Variants in ADGRA2 observed in about 807,000 individuals in gnomAD.
ADGRA2 encodes adhesion G protein-coupled receptor A2.
ADGRA2 carries 61 observed loss-of-function variants against 98.7 expected under a neutral mutation model. The observed-to-expected ratio is 0.62, with a 90% CI of 0.50 to 0.76. The LOEUF (loss-of-function observed/expected upper bound fraction) is 0.76. Ranked by LOEUF, ADGRA2 falls within the 30% of genes least tolerant of loss-of-function variation. The pLI, the probability that ADGRA2 is intolerant of heterozygous loss-of-function variation, is 0.00. For synonymous variants in ADGRA2, 858 were observed against 831.5 expected, an observed-to-expected ratio of 1.03 and a Z score of -0.55; for missense variants, 1,712 against 1,860.0, an observed-to-expected ratio of 0.92 and a Z score of 1.46.
intron 1 of ADGRA2, among the ~76,000 whole-genome samples, chr8:37,798,329 C>T (rs1021547727): frequency 1.3e-5 from 2 of 152,244 alleles, no homozygotes; most frequent in Admixed American, 6.5e-5. Context: ...AAGCGGGGTT[C>T]CCTCACCGCA....
Position 37,830,610 on chromosome 8 carries a change from G to GGGCCCCC in ADGRA2, c.719-100_719-99insGGCCCCC. 6.9e-6 allele frequency: 4 copies of GGGCCCCC among 579,886 alleles called. No individual in the cohort carries two copies. Among genetic ancestry groups the GGGCCCCC allele is most frequent in the Non-Finnish European group, 9.5e-6 (3 of 315,942 alleles). The allele number at this position is 579,886 out of a possible 1,614,324, so 35.9% of individuals were successfully genotyped here. ...AGCTGGAGCAGGCTGCAGGCCGAGG[G>GGGCCCCC]CCCCGCCCCGCCCCACCCCATCCTG... On this transcript the variant is annotated intron_variant, in intron 6 of 18. Transcript: ENST00000412232. The surrounding 1 kb of genome is among the most constrained non-coding windows in gnomAD (Gnocchi z 4.8).
At position 37,831,278 on chromosome 8, in the gene ADGRA2, C is replaced by A; in HGVS notation, c.933-145C>A. 2 of 712,174 alleles carry A rather than the reference C, an allele frequency of 2.8e-6. 1 individual carries two copies. The highest frequency in any genetic ancestry group is 3.7e-5 in the South Asian group (2 of 53,434). The allele number at this position is 712,174 out of a possible 1,614,324, so 44.1% of individuals were successfully genotyped here. A position where few individuals can be genotyped will look rare whatever the true frequency, so the allele number is the denominator to read the frequency against. On this transcript the variant is annotated intron_variant, in intron 7 of 18. Coordinates refer to ENST00000412232, the MANE Select transcript of ADGRA2 (RefSeq NM_032777.10). ...AAAAAAACAGTATCATAAGGCCAAT[C>A]AGAATAAAAGGAGTGCATACTTGCA...
At chr8:37,839,698 G>A (rs911334945) in intron 16 of ADGRA2, 76 bp downstream of exon 16, 49 of 1,546,662 alleles carry the variant, frequency 3.2e-5, no homozygotes, top group South Asian at 7.0e-5. Context: ...GGGGTGATGC[G>A]CTGGAAGAAA....
At chr8:37,827,990 T>TA (rs1805328824) in intron 2 of ADGRA2, among the ~76,000 whole-genome samples, 1 of 150,686 alleles carries the variant, frequency 6.6e-6, no homozygotes, top group Non-Finnish European at 1.5e-5. Context: ...TTTTTTTTTT[T>TA]AAATTAGCGG....
chr8:37,819,652 G>A (rs1585385992), intron 2 of ADGRA2, among the ~76,000 whole-genome samples: 1 of 152,050 alleles, frequency 6.6e-6, no homozygotes, highest in Non-Finnish European at 1.5e-5. Flanking sequence ...TTACAGGCAT[G>A]AGCCATCGCA....
Position 37,841,631 on chromosome 8 carries a change from C to T in ADGRA2, c.3293C>T (p.Ala1098Val), listed in dbSNP as rs956818746. The T allele has an allele frequency of 4.6e-6, 7 of 1,527,994 alleles. No homozygotes were observed. In the African/African-American group the frequency reaches 9.6e-5, roughly 21 times the overall value. The allele number at this position is 1,527,994 out of a possible 1,614,324, so 94.7% of individuals were successfully genotyped here. A position where few individuals can be genotyped will look rare whatever the true frequency, so the allele number is the denominator to read the frequency against. Residue 1098 changes from alanine (A) to valine (V), a missense_variant, in exon 19 of 19, where the codon GCC becomes GTC. Coordinates refer to ENST00000412232, the MANE Select transcript of ADGRA2 (RefSeq NM_032777.10). This position sits in a 1 kb window ranked among gnomAD's most constrained non-coding sequence, Gnocchi z 5.0. ...SPAAPHAPPRALPAAAEDGSP... is the reference protein window; with the variant it reads ...SPAAPHAPPRVLPAAAEDGSP... ...GCGGCCCCCCATGCCCCGCCCCGGG[C>T]CCTGCCCGCCGCCGCAGAGGACGGT...
intron 2 of ADGRA2, among the ~76,000 whole-genome samples, chr8:37,827,998 C>T (rs750302755): frequency 6.6e-5 from 10 of 151,776 alleles, no homozygotes; most frequent in African/African-American, 1.7e-4. Flanking sequence ...TTTAAATTAG[C>T]GGGTGTGGTG....
Position 37,839,517 on chromosome 8 carries a change from G to A in ADGRA2, c.2406G>A (p.Arg802=). The A allele has an allele frequency of 6.2e-7, 1 of 1,614,160 alleles. No individual in the cohort carries two copies. The highest frequency in any genetic ancestry group is 1.3e-5 in the African/African-American group (1 of 75,036). Residue 802 remains arginine, a synonymous_variant, in exon 16 of 19, where the codon CGG becomes CGA. Coordinates refer to ENST00000412232, the MANE Select transcript of ADGRA2 (RefSeq NM_032777.10). ...CGGGCAGCTCCATCCGTGTGTCCCG[G>A]AAAGGCTGGCACATGCTGCTGAACT... ...ILNHSSIRVS[R]KGWHMLLNLC...
intron 2 of ADGRA2, 136 bp downstream of exon 2, chr8:37,815,103 C>T (rs375041776): frequency 1.5e-6 from 1 of 677,230 alleles, no homozygotes; most frequent in South Asian, 1.7e-5. Flanking sequence ...GTTAGACCCA[C>T]TGGGACCCTG....
chr8:37,828,739 C>G, intron 2 of ADGRA2, 149 bp from the exon 3 acceptor site: 1 of 529,134 alleles, frequency 1.9e-6, no homozygotes, highest in Admixed American at 3.3e-5. Context: ...CCACCTCCCA[C>G]CCGGTGCTGA....
At chr8:37,805,589 G>A (rs1804635516) in intron 1 of ADGRA2, among the ~76,000 whole-genome samples, 2 of 151,460 alleles carry the variant, frequency 1.3e-5, no homozygotes, top group African/African-American at 2.4e-5. Flanking sequence ...TTCTTTTTTG[G>A]CCAGTCACGG....
At chr8:37,838,754 G>A (rs1585407154) in intron 14 of ADGRA2, among the ~76,000 whole-genome samples, 1 of 152,280 alleles carries the variant, frequency 6.6e-6, no homozygotes, top group Middle Eastern at 3.4e-3. Context: ...AGCAGGACTG[G>A]AGGCAGGGAA....
At chr8:37,821,966 C>G (rs1805140775) in intron 2 of ADGRA2, among the ~76,000 whole-genome samples, 1 of 152,112 alleles carries the variant, frequency 6.6e-6, no homozygotes, top group South Asian at 2.1e-4. Context: ...CCGTCCCCAA[C>G]AACACTGGGG....
intron 1 of ADGRA2, among the ~76,000 whole-genome samples, chr8:37,806,500 T>C (rs1200693888): frequency 7.0e-6 from 1 of 142,292 alleles, no homozygotes; most frequent in Admixed American, 6.8e-5. Flanking sequence ...ATTTTCTTTT[T>C]CTTTTTCTTT....
Position 37,829,906 on chromosome 8 carries a change from T to C in ADGRA2, c.610T>C (p.Trp204Arg). The C allele has an allele frequency of 6.2e-7, 1 of 1,612,898 alleles. No individual in the cohort carries two copies. The highest frequency in any genetic ancestry group is 2.2e-5 in the East Asian group (1 of 44,862). ...CTGCCACCTGCGCTGGCTGCTGCCCTGGGCCCAGAATCGCTCCCTGCAGCT... is the reference window on the plus strand; with the variant it reads ...CTGCCACCTGCGCTGGCTGCTGCCCCGGGCCCAGAATCGCTCCCTGCAGCT... ...CDCHLRWLLP[W>R]AQNRSLQLSE... is the part of the protein sequence containing the mutation. The change falls in exon 6 of 19, where the codon TGG becomes CGG. Residue 204 changes from tryptophan (W) to arginine (R), a missense_variant. Trp to Arg is a moderately radical substitution (Grantham distance 101, BLOSUM62 -3). Coordinates refer to ENST00000412232, the MANE Select transcript of ADGRA2 (RefSeq NM_032777.10).
chr8:37,808,583 T>TGC lies in ADGRA2; in HGVS notation c.267-6312_267-6311insCG, dbSNP rs1238687395. ...CTGTGTGTGTGTGTGTGTGTGTGTGTGTGTGCATGGGCCTGCGTGCATGTT... is the reference window on the plus strand; with the variant it reads ...CTGTGTGTGTGTGTGTGTGTGTGTGTGCGTGTGCATGGGCCTGCGTGCATGTT... On this transcript the variant is annotated intron_variant, in intron 1 of 18. Coordinates refer to ENST00000412232, the MANE Select transcript of ADGRA2 (RefSeq NM_032777.10). Among the ~76,000 whole-genome samples, 5 of 151,808 alleles carry TGC rather than the reference T, an allele frequency of 3.3e-5. No individual in the cohort carries two copies. In the East Asian group the frequency reaches 7.8e-4, roughly 24 times the overall value.
chr8:37,814,960 G>A lies in ADGRA2; in HGVS notation c.331G>A (p.Glu111Lys). 1 of 1,610,254 alleles carries A rather than the reference G, an allele frequency of 6.2e-7. No homozygotes were observed. The highest frequency in any genetic ancestry group is 2.2e-5 in the East Asian group (1 of 44,868). Residue 111 changes from glutamate (E) to lysine (K), a missense_variant, in exon 2 of 19, where the codon GAG becomes AAG. Transcript: ENST00000412232. This position sits in a 1 kb window ranked among gnomAD's most constrained non-coding sequence, Gnocchi z 4.3. ...NGSFLGLSLLEKLDLRNNIIS... is the reference protein window; with the variant it reads ...NGSFLGLSLLKKLDLRNNIIS... The stretch of plus-strand genomic sequence containing the variant: ...CTCCTTCCTGGGACTGTCACTGCTG[G>A]AGAAGCTGTAAGTGCTGGGGAAGGT...
Position 37,802,526 on chromosome 8 carries a change from C to T in ADGRA2, c.266+4992C>T, listed in dbSNP as rs373558507. 2.6e-5 allele frequency among the ~76,000 whole-genome samples: 4 copies of T among 152,288 alleles called. No individual in the cohort carries two copies. Among genetic ancestry groups the T allele is most frequent in the East Asian group, 3.9e-4 (2 of 5,162 alleles). On this transcript the variant is annotated intron_variant, in intron 1 of 18. Transcript: ENST00000412232. The surrounding 1 kb of genome is among the most constrained non-coding windows in gnomAD (Gnocchi z 4.7). The stretch of plus-strand genomic sequence containing the variant: ...AAGGCCAGAGCAAGCCCAGAGACTC[C>T]AGCACCCACTCCCCTCCCCACCCAG...
intron 2 of ADGRA2, among the ~76,000 whole-genome samples, chr8:37,821,384 A>G (rs1250205899): frequency 6.6e-6 from 1 of 152,058 alleles, no homozygotes; most frequent in African/African-American, 2.4e-5. Context: ...GCTAGATGTT[A>G]CCCTGGCCGC....
Sources: gnomAD v4.1 joint callset for allele counts (sites outside exome capture counted in the v4.1 genomes callset) on GRCh38, gnomAD v4.1.1 for gene constraint, Gnocchi (gnomAD v3.1) non-coding constraint, MANE v1.5 for transcripts, NCBI Gene and HGNC (gene_info 2026-07-23, HGNC 2026-07-21) for gene names.